DPY19L2: variants seen among roughly 807,000 people sequenced by gnomAD.
DPY19L2 encodes the protein dpy-19 like 2.
DPY19L2 carries 34 observed loss-of-function variants against 97.9 expected under a neutral mutation model. The ratio of observed to expected loss-of-function variants is 0.35; its 90% confidence interval spans 0.26 to 0.46. The LOEUF is 0.46. DPY19L2 is among the 20% of genes least tolerant of loss of function. The pLI is 1.00. For missense variants in DPY19L2, 623 were observed against 911.4 expected (o/e 0.68, Z 4.07); for synonymous variants, 230 against 307.9 (o/e 0.75, Z 2.65).
chr12:63,592,862 A>G (rs1883382045), intron 16 of DPY19L2, among the ~76,000 whole-genome samples: 1 of 152,094 alleles, frequency 6.6e-6, no homozygotes, highest in Non-Finnish European at 1.5e-5. Context: ...AACCTACAAC[A>G]TGGGAGAAAA....
At chr12:63,657,099 A>G (rs1032110406) in intron 4 of DPY19L2, among the ~76,000 whole-genome samples, 1 of 152,118 alleles carries the variant, frequency 6.6e-6, no homozygotes, top group African/African-American at 2.4e-5. Context: ...AAAGTTAGAC[A>G]TGTTGTATAA....
intron 21 of DPY19L2, among the ~76,000 whole-genome samples, chr12:63,565,382 A>G (rs1202468277): frequency 6.6e-6 from 1 of 152,122 alleles, no homozygotes; most frequent in Non-Finnish European, 1.5e-5. Flanking sequence ...TTCCAGCCCT[A>G]GAAGCTGGCC....
chr12:63,565,224 C>T (rs987239070), intron 21 of DPY19L2, among the ~76,000 whole-genome samples: 3 of 152,144 alleles, frequency 2.0e-5, no homozygotes, highest in African/African-American at 7.2e-5. Flanking sequence ...TTTCCTATTG[C>T]TGCTATAACA....
At chr12:63,588,876 A>C (rs370712295) in intron 16 of DPY19L2, among the ~76,000 whole-genome samples, 118 of 150,730 alleles carry the variant, frequency 7.8e-4, no homozygotes, top group African/African-American at 2.6e-3. Flanking sequence ...GCCTCAGCCT[A>C]CCGAGTAGCT....
intron 12 of DPY19L2, among the ~76,000 whole-genome samples, 165 bp from the exon 13 acceptor site, chr12:63,600,551 T>G (rs1053416507): frequency 6.7e-6 from 1 of 150,138 alleles, no homozygotes; most frequent in African/African-American, 2.5e-5. Flanking sequence ...AGCAAAGAAT[T>G]AAAACTGATG....
intron 6 of DPY19L2, among the ~76,000 whole-genome samples, chr12:63,642,251 G>C (rs1304775757): frequency 1.3e-5 from 2 of 152,010 alleles, no homozygotes; most frequent in East Asian, 1.9e-4. Context: ...CTGGATAGTA[G>C]GTGGGGTATA....
At chr12:63,587,263 C>G (rs1447305078) in intron 16 of DPY19L2, among the ~76,000 whole-genome samples, 2 of 151,908 alleles carry the variant, frequency 1.3e-5, no homozygotes, top group Non-Finnish European at 2.9e-5. Flanking sequence ...ATAAAGCAAA[C>G]ACTATTAAAA....
chr12:63,636,310 C>A (rs1295734699), intron 6 of DPY19L2, among the ~76,000 whole-genome samples: 1 of 152,146 alleles, frequency 6.6e-6, no homozygotes, highest in Non-Finnish European at 1.5e-5. Context: ...CCGATACCAG[C>A]CACTGCAAAA....
intron 6 of DPY19L2, among the ~76,000 whole-genome samples, chr12:63,634,659 C>T (rs1891342295): frequency 6.6e-6 from 1 of 152,176 alleles, no homozygotes; most frequent in Non-Finnish European, 1.5e-5. Context: ...CAGAAGGTCC[C>T]ATGCCCATGG....
At chr12:63,627,775 G>C (rs1889826744) in intron 6 of DPY19L2, among the ~76,000 whole-genome samples, 1 of 152,082 alleles carries the variant, frequency 6.6e-6, no homozygotes, top group South Asian at 2.1e-4. Context: ...CACTTCCCTA[G>C]CCTAACACAT....
chr12:63,653,303 G>A (rs1894523856), intron 4 of DPY19L2, among the ~76,000 whole-genome samples: 1 of 152,118 alleles, frequency 6.6e-6, no homozygotes, highest in Admixed American at 6.5e-5. Context: ...GTTCATGCCT[G>A]TAATCCCAGC....
chr12:63,576,454 CA>C (rs1879845210), intron 19 of DPY19L2, among the ~76,000 whole-genome samples: 1 of 151,312 alleles, frequency 6.6e-6, no homozygotes, highest in African/African-American at 2.4e-5. Context: ...AGCAATCAGA[CA>C]AGAGAAAGAA....
chr12:63,611,879 T>C (rs560805486), intron 11 of DPY19L2, among the ~76,000 whole-genome samples: 1 of 152,188 alleles, frequency 6.6e-6, no homozygotes, highest in Admixed American at 6.5e-5. Flanking sequence ...CCAAAATTTT[T>C]CCAAATTTGA....
intron 1 of DPY19L2, 90 bp from the exon 2 acceptor site, chr12:63,665,949 G>A: frequency 8.7e-7 from 1 of 1,149,306 alleles, no homozygotes; most frequent in Non-Finnish European, 1.2e-6. Flanking sequence ...TATTTTACAT[G>A]TCTAGAAAGA....
chr12:63,585,242 G>A (rs1253606636), intron 16 of DPY19L2, among the ~76,000 whole-genome samples: 1 of 152,090 alleles, frequency 6.6e-6, no homozygotes, highest in Admixed American at 6.5e-5. Context: ...TTACTTTTAT[G>A]AAAGGCTTTA....
intron 1 of DPY19L2, chr12:63,666,618 T>G (rs11834892): frequency 0.17 from 50,232 of 296,218 alleles, 4,579 homozygotes; most frequent in East Asian, 0.28. Context: ...AAACTTTGCT[T>G]TTCTTATAGA....
intron 4 of DPY19L2, among the ~76,000 whole-genome samples, chr12:63,659,372 G>T (rs1895380457): frequency 6.6e-6 from 1 of 151,688 alleles, no homozygotes; most frequent in Admixed American, 6.6e-5. Flanking sequence ...ACAAAATGGA[G>T]ATCTATACCA....
In DPY19L2 at chr12:63,584,138, C is replaced by T. The variant is rs1458603226; in HGVS notation, c.1581-302G>A. 1.3e-5 allele frequency: 4 copies of T among 308,418 alleles called. No homozygotes were observed. In the South Asian group the frequency reaches 1.6e-4, roughly 13 times the overall value. The allele number at this position is 308,418 out of a possible 1,614,324, so 19.1% of individuals were successfully genotyped here. ...ATTAATAAATGAATAGGATGACCTT[C>T]TATTCAACCTATATATACAGTGTAT... is the stretch of plus-strand genomic sequence containing the variant. On this transcript the variant is annotated intron_variant, in intron 16 of 21. Coordinates refer to ENST00000324472, the MANE Select transcript of DPY19L2 (RefSeq NM_173812.5).
intron 11 of DPY19L2, among the ~76,000 whole-genome samples, chr12:63,613,888 A>T (rs1005272808): frequency 9.2e-5 from 14 of 152,078 alleles, no homozygotes; most frequent in Non-Finnish European, 1.6e-4. Context: ...ACAAGTTCTC[A>T]AAGCAAAAAA....
Sources: gnomAD v4.1 joint callset for allele counts (sites outside exome capture counted in the v4.1 genomes callset) on GRCh38, gnomAD v4.1.1 for gene constraint, MANE v1.5 for transcripts, NCBI Gene and HGNC (gene_info 2026-07-23, HGNC 2026-07-21) for gene names.